The following PRKAR1A variants were observed in gnomAD, a reference collection of about 807,000 sequenced individuals.
PRKAR1A encodes cAMP-dependent protein kinase type I-alpha regulatory subunit.
In PRKAR1A, 3 loss-of-function variants were observed where a neutral mutation model predicts 52.0. That is an observed-to-expected ratio of 0.06 (90% CI 0.03 to 0.15). PRKAR1A has a LOEUF of 0.15. PRKAR1A is among the 10% of genes least tolerant of loss of function. The pLI is 1.00. For synonymous variants in PRKAR1A, 188 were observed against 168.4 expected (o/e 1.12, Z -0.90); for missense variants, 240 against 477.4 (o/e 0.50, Z 4.63).
chr17:68,495,275 C>A, the PRKAR1A span, among the ~76,000 whole-genome samples: 1 of 152,172 alleles, frequency 6.6e-6, no homozygotes, highest in Non-Finnish European at 1.5e-5. Flanking sequence ...TCAAGTGATC[C>A]TCCCACCTTG....
chr17:68,500,511 A>ATT, the PRKAR1A span, among the ~76,000 whole-genome samples: 24 of 140,456 alleles, frequency 1.7e-4, no homozygotes, highest in South Asian at 1.1e-3. Flanking sequence ...AGTCTCGAGT[A>ATT]TTTTTTTTTT....
chr17:68,421,413 T>C, the PRKAR1A span: 1 of 249,684 alleles, frequency 4.0e-6, no homozygotes, highest in Non-Finnish European at 8.0e-6. Context: ...ATACAAGAAA[T>C]ACAATTCAAA....
At chr17:68,420,871 G>A in the PRKAR1A span, 2 of 185,138 alleles carry the variant, frequency 1.1e-5, no homozygotes, top group African/African-American at 4.8e-5. Context: ...CTGGTTCCCA[G>A]TTTCTCTGGT....
the PRKAR1A span, chr17:68,435,544 G>C: frequency 6.9e-7 from 1 of 1,443,204 alleles, no homozygotes; most frequent in South Asian, 1.1e-5. Context: ...CACCAGGTTT[G>C]TTCAATCCCA....
intron 11 of PRKAR1A, among the ~76,000 whole-genome samples, chr17:68,550,774 G>A (rs1213953504): frequency 6.6e-6 from 1 of 152,174 alleles, no homozygotes; most frequent in Non-Finnish European, 1.5e-5. Context: ...ACTCCCTGAG[G>A]GTGGGACTCA....
chr17:68,502,755 G>GA, the PRKAR1A span, among the ~76,000 whole-genome samples: 3,642 of 85,012 alleles, frequency 0.043, 160 homozygotes, highest in African/African-American at 0.11. Flanking sequence ...TTCATCTCAG[G>GA]AAAAAAAAAA....
At chr17:68,508,630 A>G (rs2085225997), upstream of PRKAR1A, among the ~76,000 whole-genome samples, 1 of 152,210 alleles carries the variant, frequency 6.6e-6, no homozygotes, top group African/African-American at 2.4e-5. Flanking sequence ...CACACAATAT[A>G]CCCAGGTAAC....
chr17:68,535,520 C>A (rs549814417), downstream of PRKAR1A: 10 of 453,978 alleles, frequency 2.2e-5, no homozygotes, highest in Non-Finnish European at 4.4e-5. Flanking sequence ...TGTGTGTGAT[C>A]TCCTGGTTCT....
chr17:68,535,058 C>A, downstream of PRKAR1A: 1 of 339,778 alleles, frequency 2.9e-6, no homozygotes, highest in South Asian at 2.4e-5. Context: ...TGCCTCTTTC[C>A]ATCAGTACAG....
the PRKAR1A span, chr17:68,430,240 A>G: frequency 2.1e-6 from 3 of 1,425,466 alleles, no homozygotes; most frequent in Non-Finnish European, 9.5e-7. Flanking sequence ...CCCAAGCGTC[A>G]TTAGCCACAC....
At chr17:68,537,134 T>C (rs1212441678), downstream of PRKAR1A, 1 of 492,700 alleles carries the variant, frequency 2.0e-6, no homozygotes, top group African/African-American at 1.9e-5. The surrounding 1 kb of genome is among the most constrained non-coding windows in gnomAD (Gnocchi z 4.2). Context: ...CCACTTGATG[T>C]CCTTTTATTT....
the PRKAR1A span, chr17:68,426,254 G>GGGGGGGGGGGGGCCCCCCCCCCCC: frequency 1.2e-6 from 1 of 816,918 alleles, no homozygotes; most frequent in Non-Finnish European, 1.9e-6. Context: ...GGGAGCGGGG[G>GGGGGGGGGGGGGCCCCCCCCCCCC]CTCAAATAAA....
intron 2 of PRKAR1A, among the ~76,000 whole-genome samples, chr17:68,519,989 C>T (rs1186246459): frequency 6.6e-6 from 1 of 152,188 alleles, no homozygotes; most frequent in African/African-American, 2.4e-5. Flanking sequence ...AACATACAAC[C>T]CCCAAATTTC....
the PRKAR1A span, chr17:68,440,687 T>C: frequency 1.3e-5 from 2 of 152,230 alleles, no homozygotes; most frequent in African/African-American, 4.8e-5. Context: ...TGTTTGGCTG[T>C]AATTCTTCTA....
chr17:68,543,780 A>G, intron 11 of PRKAR1A: 1 of 1,408,366 alleles, frequency 7.1e-7, no homozygotes, highest in Non-Finnish European at 1.0e-6. Flanking sequence ...GCCTGAGAAG[A>G]GAGCTGATGA....
At chr17:68,475,275 GAC>G in the PRKAR1A span, among the ~76,000 whole-genome samples, 1 of 152,200 alleles carries the variant, frequency 6.6e-6, no homozygotes, top group Admixed American at 6.5e-5. Context: ...CATCAGGCAG[GAC>G]ACCTGTGCCC....
the PRKAR1A span, among the ~76,000 whole-genome samples, chr17:68,463,584 G>A: frequency 1.3e-5 from 2 of 152,238 alleles, no homozygotes; most frequent in South Asian, 2.1e-4. Flanking sequence ...GCTAAGAAAT[G>A]TATAGCAGTG....
chr17:68,469,876 A>AC, the PRKAR1A span, among the ~76,000 whole-genome samples: 1 of 152,162 alleles, frequency 6.6e-6, no homozygotes, highest in African/African-American at 2.4e-5. Flanking sequence ...TATTTTTTAT[A>AC]CCCCCAAACA....
chr17:68,483,682 A>G, the PRKAR1A span, among the ~76,000 whole-genome samples: 7 of 152,034 alleles, frequency 4.6e-5, no homozygotes, highest in Admixed American at 4.6e-4. Flanking sequence ...ACCAACATGG[A>G]GAAACCCTAT....
Sources: allele counts gnomAD v4.1 joint callset (sites outside exome capture counted in the v4.1 genomes callset), GRCh38; gene constraint gnomAD v4.1.1; non-coding constraint Gnocchi (gnomAD v3.1); transcripts MANE v1.5; gene names NCBI Gene and HGNC (gene_info 2026-07-23, HGNC 2026-07-21).